The following ACO1 variants were observed in gnomAD, a reference collection of about 807,000 sequenced individuals.
The protein encoded by ACO1 is aconitase 1.
ACO1 carries 78 observed loss-of-function variants against 105.1 expected under a neutral mutation model. The ratio of observed to expected loss-of-function variants is 0.74; its 90% CI spans 0.62 to 0.90. The LOEUF (loss-of-function observed/expected upper bound fraction) is 0.90, where lower values mean the gene tolerates loss of function less well. ACO1 is among the 40% of genes least tolerant of loss of function. ACO1 has a pLI of 0.00. For synonymous variants in ACO1, 364 were observed against 397.4 expected, an observed-to-expected ratio of 0.92 and a Z score of 1.00; for missense variants, 965 against 1,111.1, an observed-to-expected ratio of 0.87 and a Z score of 1.87.
intron 1 of ACO1, among the ~76,000 whole-genome samples, chr9:32,403,526 T>C (rs909986485): frequency 1.3e-5 from 2 of 152,088 alleles, no homozygotes; most frequent in African/African-American, 4.8e-5. Flanking sequence ...CTTTGTAGGG[T>C]GGTGGGAGTA....
chr9:32,453,047 T>C lies in ACO1; in HGVS notation c.*2936T>C, dbSNP rs1418569864. 1 of 150,190 alleles carries C rather than the reference T, an allele frequency of 6.7e-6. No homozygotes were observed. Among genetic ancestry groups the C allele is most frequent in the Non-Finnish European group, 1.5e-5 (1 of 67,612 alleles). 9.3% of individuals were successfully genotyped at this position (150,190 alleles called of 1,614,324 possible). A position where few individuals can be genotyped will look rare whatever the true frequency, so the allele number is the denominator to read the frequency against. ...CAAGCCTAAATAAACCAACTTCTTT[T>C]ACCTGGTTCTTTAAGGGCTGCTCGT... On this transcript the variant is annotated 3_prime_UTR_variant, in exon 21 of 21. Transcript: ENST00000309951.
At chr9:32,409,256 A>AG (rs935878910) in intron 4 of ACO1, among the ~76,000 whole-genome samples, 27 of 152,194 alleles carry the variant, frequency 1.8e-4, no homozygotes, top group African/African-American at 6.0e-4. Context: ...TAGTGTCCTG[A>AG]GTGGGCCTGT....
At chr9:32,444,324 C>T (rs1822550866) in intron 19 of ACO1, among the ~76,000 whole-genome samples, 1 of 152,118 alleles carries the variant, frequency 6.6e-6, no homozygotes, top group Non-Finnish European at 1.5e-5. Context: ...ATTTATAATC[C>T]TTTGGGTATA....
chr9:32,440,309 A>T (rs1822448553), intron 18 of ACO1, among the ~76,000 whole-genome samples, 156 bp from the exon 19 acceptor site: 1 of 152,114 alleles, frequency 6.6e-6, no homozygotes, highest in Non-Finnish European at 1.5e-5. Context: ...TGGTAGAAGT[A>T]AAAAGATCAA....
In ACO1 at chr9:32,426,042, G is replaced by T. The variant is rs765639080; in HGVS notation, c.1348+45G>T. ...TCCTCATGGTCATACATGTGTGTAG[G>T]TGGAAATAGCCCGAGACAGGGCCCA... On this transcript the variant is annotated intron_variant, in intron 11 of 20. Transcript: ENST00000309951. The T allele has an allele frequency of 3.1e-6, 5 of 1,591,918 alleles. No homozygotes were observed. The Admixed American group carries it at 6.9e-5, about 22-fold the overall frequency.
intron 13 of ACO1, 119 bp downstream of exon 13, chr9:32,429,622 T>A (rs75809627): frequency 2.3e-6 from 2 of 866,766 alleles, no homozygotes; most frequent in East Asian, 5.3e-5. Context: ...TAGAGTATGA[T>A]CTTTTGAGTT....
chr9:32,421,011 G>T lies in ACO1; in HGVS notation c.954G>T (p.Thr318=). Residue 318 remains threonine, a synonymous_variant, in exon 8 of 21, where the codon ACG becomes ACT. Coordinates refer to ENST00000309951, the MANE Select transcript of ACO1 (RefSeq NM_002197.3). ...TCCCAGTTGATGAAGTTAGTATCAC[G>T]TACCTGGTGCAAACAGGTAAGTGAA... is the stretch of plus-strand genomic sequence containing the variant. ...AFFPVDEVSI[T]YLVQTGRDEE... is the part of the protein sequence containing the mutation. 6.2e-7 allele frequency: 1 copy of T among 1,614,028 alleles called. No individual in the cohort carries two copies. Among genetic ancestry groups the T allele is most frequent in the Non-Finnish European group, 8.5e-7 (1 of 1,179,932 alleles).
chr9:32,426,711 T>C (rs2118495810), intron 11 of ACO1, among the ~76,000 whole-genome samples: 1 of 152,270 alleles, frequency 6.6e-6, no homozygotes, highest in East Asian at 1.9e-4. Flanking sequence ...TGGCTTTTTG[T>C]CCCCTCATGT....
At chr9:32,402,127 C>T (rs1821509212) in intron 1 of ACO1, among the ~76,000 whole-genome samples, 1 of 152,230 alleles carries the variant, frequency 6.6e-6, no homozygotes, top group African/African-American at 2.4e-5. Flanking sequence ...CCCGGAGGGA[C>T]AAGTTCTGAA....
chr9:32,399,689 A>G (rs1178794842), intron 1 of ACO1, among the ~76,000 whole-genome samples: 2 of 152,220 alleles, frequency 1.3e-5, no homozygotes, highest in African/African-American at 2.4e-5. Context: ...TCTGAAGGAT[A>G]GATTTTTATG....
At chr9:32,443,747 T>C (rs1358409869) in intron 19 of ACO1, among the ~76,000 whole-genome samples, 1 of 152,162 alleles carries the variant, frequency 6.6e-6, no homozygotes, top group African/African-American at 2.4e-5. Flanking sequence ...ACTAAAAACA[T>C]GGTGTAAATG....
intron 19 of ACO1, among the ~76,000 whole-genome samples, chr9:32,444,485 T>C (rs1054735575): frequency 6.6e-6 from 1 of 152,228 alleles, no homozygotes; most frequent in African/African-American, 2.4e-5. Flanking sequence ...CTCCAGCATC[T>C]GTTGTTCCCT....
At chr9:32,428,109 C>T (rs900477902) in intron 12 of ACO1, among the ~76,000 whole-genome samples, 2 of 117,264 alleles carry the variant, frequency 1.7e-5, no homozygotes, top group East Asian at 4.9e-4. Flanking sequence ...ACCCCTGTTT[C>T]TACAAAAAAA....
At chr9:32,430,908 A>G (rs1434945841) in intron 14 of ACO1, among the ~76,000 whole-genome samples, 1 of 152,218 alleles carries the variant, frequency 6.6e-6, no homozygotes, top group Non-Finnish European at 1.5e-5. Flanking sequence ...CATACTGCAG[A>G]TATTTCAACT....
chr9:32,418,213 G>A lies in ACO1; in HGVS notation c.474+16G>A, dbSNP rs763315403. The A allele has an allele frequency of 6.2e-7, 1 of 1,614,060 alleles. No individual in the cohort carries two copies. The highest frequency in any genetic ancestry group is 1.7e-5 in the Admixed American group (1 of 60,010). On this transcript the variant is annotated intron_variant, in intron 5 of 20. Coordinates refer to ENST00000309951, the MANE Select transcript of ACO1 (RefSeq NM_002197.3). Reference sequence around the variant, plus strand: ...ATTTTTAAAGGTATGGGCAGGGTCTGGTTCCATTGTTTGGTTTTCTTTGTA... The same window carrying A: ...ATTTTTAAAGGTATGGGCAGGGTCTAGTTCCATTGTTTGGTTTTCTTTGTA...
chr9:32,418,924 C>G, intron 6 of ACO1, 114 bp from the exon 7 acceptor site: 1 of 1,260,442 alleles, frequency 7.9e-7, no homozygotes, highest in South Asian at 2.0e-5. Context: ...CATGACTCTG[C>G]ACCAATTAAA....
At chr9:32,389,524 C>T (rs965130880) in intron 1 of ACO1, among the ~76,000 whole-genome samples, 39 of 152,168 alleles carry the variant, frequency 2.6e-4, no homozygotes, top group African/African-American at 7.7e-4. Context: ...CATGGCGAAC[C>T]GAAAAACAGG....
rs1309123777 is a variant in ACO1, at chr9:32,387,657, CTT to C, written c.-23+2926_-23+2927del. On this transcript the variant is annotated intron_variant, in intron 1 of 20. Coordinates refer to ENST00000309951, the MANE Select transcript of ACO1 (RefSeq NM_002197.3). ...ATATTCTAAAATATAGATCAGCAAA[CTT>C]TTTGTGTAAAGGGACAGGTAGTGAA... Among the ~76,000 whole-genome samples the C allele has an allele frequency of 2.0e-5, 3 of 152,198 alleles. No homozygotes were observed. The East Asian group carries it at 5.8e-4, about 29-fold the overall frequency.
intron 9 of ACO1, among the ~76,000 whole-genome samples, chr9:32,424,155 C>T (rs906362269): frequency 3.9e-5 from 6 of 152,152 alleles, no homozygotes; most frequent in African/African-American, 9.7e-5. Flanking sequence ...TGCATCCCTC[C>T]GAAATCACCT....
Sources: allele counts gnomAD v4.1 joint callset (sites outside exome capture counted in the v4.1 genomes callset), GRCh38; gene constraint gnomAD v4.1.1; transcripts MANE v1.5; gene names NCBI Gene and HGNC (gene_info 2026-07-23, HGNC 2026-07-21).